Variants in LILRA4 observed in about 807,000 individuals in gnomAD.
LILRA4 encodes leukocyte immunoglobulin-like receptor subfamily A member 4.
LILRA4 carries 51 observed loss-of-function variants against 49.5 expected under a neutral mutation model. That is an observed-to-expected ratio of 1.03 (90% CI 0.82 to 1.30). LILRA4 has a LOEUF of 1.30. Ranked by LOEUF, LILRA4 falls within the 50% of genes most tolerant of loss-of-function variation. LILRA4 has a pLI of 0.00. For missense variants in LILRA4, 624 were observed against 625.6 expected (o/e 1.00, Z 0.03); for synonymous variants, 272 against 265.6 (o/e 1.02, Z -0.23).
rs2081357895 is a variant in LILRA4, at chr19:54,338,547, C to T, written c.204G>A (p.Ser68=). 1.1e-5 allele frequency: 18 copies of T among 1,614,018 alleles called. No individual in the cohort carries two copies. The highest frequency in any genetic ancestry group is 1.2e-5 in the Non-Finnish European group (14 of 1,180,016). Reference sequence around the variant, plus strand: ...ACTCCAGTGTTTTTAATATGTGCCTCGACATTGAGTTTCCCTCTTTATCCA... The same window carrying T: ...ACTCCAGTGTTTTTAATATGTGCCTTGACATTGAGTTTCCCTCTTTATCCA... ...YRLDKEGNSM[S]RHILKTLESE... is the part of the protein sequence containing the mutation. Residue 68 remains serine (S), a synonymous_variant, in exon 3 of 8, where the codon TCG becomes TCA. Coordinates refer to ENST00000291759, the MANE Select transcript of LILRA4 (RefSeq NM_012276.5).
chr19:54,333,617 C>T lies in LILRA4; in HGVS notation c.1455G>A (p.Lys485=), dbSNP rs1430853009. ...CCACCACTCTGAAGGGTGCATTGTC[C>T]TTTCTGCTGTTTGCCTCCTGGCTGC... ...PRCSQEANSR[K]DNAPFRVVEP... is the part of the protein sequence containing the mutation. The change falls in exon 8 of 8, where the codon AAG becomes AAA. Residue 485 remains lysine (K), a synonymous_variant. Coordinates refer to ENST00000291759, the MANE Select transcript of LILRA4 (RefSeq NM_012276.5). 3.1e-6 allele frequency: 5 copies of T among 1,614,014 alleles called. No individual in the cohort carries two copies. The highest frequency in any genetic ancestry group is 4.2e-6 in the Non-Finnish European group (5 of 1,180,024).
chr19:54,339,107 C>T lies in LILRA4; in HGVS notation c.-14G>A. On this transcript the variant is annotated 5_prime_UTR_variant, in exon 1 of 8. Coordinates refer to ENST00000291759, the MANE Select transcript of LILRA4 (RefSeq NM_012276.5). ...AATGAGGGTCATGGCATCTCCTCCT[C>T]CTGGCCCTGGCTGTGCAGGCAGGTG... The T allele has an allele frequency of 1.9e-6, 3 of 1,614,210 alleles. No homozygotes were observed. In the Admixed American group the frequency reaches 5.0e-5, roughly 27 times the overall value.
At position 54,337,653 on chromosome 19, in the gene LILRA4, G is replaced by C; in HGVS notation, c.699C>G (p.Val233=). Residue 233 remains valine (V), a synonymous_variant, in exon 5 of 8, where the codon GTC becomes GTG. Transcript: ENST00000291759. Reference sequence around the variant, plus strand: ...GGGTCAGATTCTCTCCGGGGGTCACGACAGGGCCCTGCAGGGTCAGGAGGG... The same window carrying C: ...GGGTCAGATTCTCTCCGGGGGTCACCACAGGGCCCTGCAGGGTCAGGAGGG... The part of the protein sequence containing the change: ...KPSLLTLQGP[V]VTPGENLTLQ... 6.2e-7 allele frequency: 1 copy of C among 1,613,444 alleles called. No homozygotes were observed. The highest frequency in any genetic ancestry group is 8.5e-7 in the Non-Finnish European group (1 of 1,179,820).
Position 54,337,120 on chromosome 19 carries a change from G to A in LILRA4, c.976C>T (p.Leu326Phe), listed in dbSNP as rs2081333053. Residue 326 changes from leucine (L) to phenylalanine (F), a missense_variant, in exon 6 of 8, where the codon CTC becomes TTC. Leu to Phe is a conservative substitution (Grantham distance 22). Transcript: ENST00000291759. ...ACCGTGGGGCCCGGCTGCACTGAGA[G>A]GGAGGGTCTGTCAGAGATCTGTCCT... ...IAGQISDRPS[L>F]SVQPGPTVTS... 1.2e-6 allele frequency: 2 copies of A among 1,613,640 alleles called. No individual in the cohort carries two copies. Among genetic ancestry groups the A allele is most frequent in the Non-Finnish European group, 1.7e-6 (2 of 1,179,756 alleles).
chr19:54,333,658 T>C lies in LILRA4; in HGVS notation c.1414A>G (p.Arg472Gly), dbSNP rs143975520. The change falls in exon 8 of 8, where the codon AGA becomes GGA. Residue 472 changes from arginine (R) to glycine (G), a missense_variant. Arg to Gly is a moderately radical substitution (Grantham distance 125). Coordinates refer to ENST00000291759, the MANE Select transcript of LILRA4 (RefSeq NM_012276.5). ...TCCTGGCTGCACCTTGGGGGGCTTC[T>C]CTGGCTGTGCTGAGCCTCAAATAAC... The part of the protein sequence containing the change: ...ILLFEAQHSQ[R>G]SPPRCSQEAN... The C allele has an allele frequency of 7.6e-5, 123 of 1,614,156 alleles. No individual in the cohort carries two copies. In the African/African-American group the frequency reaches 1.5e-3, roughly 20 times the overall value.
At position 54,336,609 on chromosome 19, in the gene LILRA4, G is replaced by A. The variant is rs376244593; in HGVS notation, c.1255+232C>T. Reference sequence around the variant, plus strand: ...TGTATTTCCACCCTTCCATGGGCTGGGCCCTCCCCTGTGGACCCTCCCCCT... The same window carrying A: ...TGTATTTCCACCCTTCCATGGGCTGAGCCCTCCCCTGTGGACCCTCCCCCT... On this transcript the variant is annotated intron_variant, in intron 6 of 7. Transcript: ENST00000291759. The A allele has an allele frequency of 1.3e-5, 9 of 683,634 alleles. 1 individual carries two copies. The South Asian group carries it at 1.6e-4, about 12-fold the overall frequency. 42.3% of individuals were successfully genotyped at this position (683,634 alleles called of 1,614,324 possible). A position where few individuals can be genotyped will look rare whatever the true frequency, so the allele number is the denominator to read the frequency against.
chr19:54,338,795 C>T (rs2081360468), intron 2 of LILRA4, 71 bp downstream of exon 2: 11 of 1,606,634 alleles, frequency 6.8e-6, no homozygotes, highest in Non-Finnish European at 9.4e-6. Context: ...GTCTTCACCC[C>T]CAGCTGCCCA....
chr19:54,338,604 A>T lies in LILRA4; in HGVS notation c.147T>A (p.Cys49Ter). 8 of 1,614,086 alleles carry T rather than the reference A, an allele frequency of 5.0e-6. No homozygotes were observed. The highest frequency in any genetic ancestry group is 6.8e-6 in the Non-Finnish European group (8 of 1,180,004). ...ACCCCTGGGCCTCCAGGGTGCCCTG[A>T]CACCAGATGGTCACGGGGTTATGCC... is the stretch of plus-strand genomic sequence containing the variant. ...ITWHNPVTIWCQGTLEAQGYR... is the reference protein window; with the variant it reads ...ITWHNPVTIW Residue 49 changes from cysteine to a stop codon, truncating the protein, a stop_gained, in exon 3 of 8, where the codon TGT becomes TGA. Coordinates refer to ENST00000291759, the MANE Select transcript of LILRA4 (RefSeq NM_012276.5). LOFTEE classifies it high-confidence loss of function.
At chr19:54,334,180 A>T in intron 6 of LILRA4, 1 of 550,516 alleles carries the variant, frequency 1.8e-6, no homozygotes, top group Non-Finnish European at 3.2e-6. Context: ...TCACTTTGAA[A>T]CAAAGTTTAC....
In LILRA4 at chr19:54,336,892, T is replaced by A. The variant is rs149289201; in HGVS notation, c.1204A>T (p.Asn402Tyr). 6 of 1,614,156 alleles carry A rather than the reference T, an allele frequency of 3.7e-6. No homozygotes were observed. The highest frequency in any genetic ancestry group is 2.2e-5 in the South Asian group (2 of 91,082). The change falls in exon 6 of 8, where the codon AAC becomes TAC. Residue 402 changes from asparagine to tyrosine, a missense_variant. Transcript: ENST00000291759. ...CTGGGGTGAGACAGCAGGTAGGGGT[T>A]GGAGCTGCGTGAGCCGTAGCACCTG... ...TYRCYGSRSS[N>Y]PYLLSHPSEP...
At chr19:54,337,164 T>A (rs942678075) in intron 5 of LILRA4, 21 bp from the exon 6 acceptor site, 2 of 1,597,822 alleles carry the variant, frequency 1.3e-6, no homozygotes, top group African/African-American at 1.3e-5. Context: ...GAAGGACGGG[T>A]GAGGGGCTGC....
chr19:54,337,161 G>T lies in LILRA4; in HGVS notation c.953-18C>A, dbSNP rs375640522. The stretch of plus-strand genomic sequence containing the variant: ...GATCTGTCCTGGAGAAAAGAAGGAC[G>T]GGTGAGGGGCTGCCCCACCTTGTTC... On this transcript the variant is annotated intron_variant, in intron 5 of 7. Transcript: ENST00000291759. 9 of 1,600,896 alleles carry T rather than the reference G, an allele frequency of 5.6e-6. No homozygotes were observed. Among genetic ancestry groups the T allele is most frequent in the Non-Finnish European group, 7.7e-6 (9 of 1,172,572 alleles).
chr19:54,337,005 G>A lies in LILRA4; in HGVS notation c.1091C>T (p.Pro364Leu), dbSNP rs756747611. 5.0e-6 allele frequency: 8 copies of A among 1,614,006 alleles called. No homozygotes were observed. Among genetic ancestry groups the A allele is most frequent in the East Asian group, 2.2e-5 (1 of 44,874 alleles). The change falls in exon 6 of 8, where the codon CCG (proline) becomes CTG (leucine). Residue 364 changes from proline to leucine, a missense_variant. Coordinates refer to ENST00000291759, the MANE Select transcript of LILRA4 (RefSeq NM_012276.5). ...TCCGTACATTGATCTCAGACGCAAC[G>A]GGGGATGGGCTGCCCCCTCCTTGGT... ...LLTKEGAAHP[P>L]LRLRSMYGAH...
At position 54,337,918 on chromosome 19, in the gene LILRA4, A is replaced by C. The variant is rs1398087813; in HGVS notation, c.655+18T>G. 1.9e-6 allele frequency: 3 copies of C among 1,594,356 alleles called. No individual in the cohort carries two copies. On this transcript the variant is annotated intron_variant, in intron 4 of 7. Transcript: ENST00000291759. ...TGGTGCCCTGACTTTGTATAAGGAA[A>C]AGCTACGGCTTCCTCACCTGACACC... is the stretch of plus-strand genomic sequence containing the variant.
chr19:54,333,379 G>T lies in LILRA4; in HGVS notation c.*193C>A, dbSNP rs181524361. The T allele has an allele frequency of 1.1e-5, 7 of 630,328 alleles. No individual in the cohort carries two copies. Among genetic ancestry groups the T allele is most frequent in the Non-Finnish European group, 1.9e-5 (7 of 365,840 alleles). 39.0% of individuals were successfully genotyped at this position (630,328 alleles called of 1,614,324 possible). On this transcript the variant is annotated 3_prime_UTR_variant, in exon 8 of 8. Transcript: ENST00000291759. ...ATAGGGGTGAAGCCTTACATCATAGGGAAGAAAAACGAAGGAAGGGGCAGT... is the reference window on the plus strand; with the variant it reads ...ATAGGGGTGAAGCCTTACATCATAGTGAAGAAAAACGAAGGAAGGGGCAGT...
Position 54,338,466 on chromosome 19 carries a change from T to C in LILRA4, c.285A>G (p.Arg95=). ...CAGGGCTCTGATAGTAACAGTGATATCGCCCTGCATGTTCCCACATCATGG... is the reference window on the plus strand; with the variant it reads ...CAGGGCTCTGATAGTAACAGTGATACCGCCCTGCATGTTCCCACATCATGG... ...IPSMMWEHAG[R]YHCYYQSPAG... The change falls in exon 3 of 8, where the codon CGA becomes CGG. Residue 95 remains arginine (R), a synonymous_variant. Coordinates refer to ENST00000291759, the MANE Select transcript of LILRA4 (RefSeq NM_012276.5). 6.2e-7 allele frequency: 1 copy of C among 1,614,140 alleles called. No individual in the cohort carries two copies. The highest frequency in any genetic ancestry group is 8.5e-7 in the Non-Finnish European group (1 of 1,180,010).
At chr19:54,334,568 T>C (rs1220868893) in intron 6 of LILRA4, 1 of 152,206 alleles carries the variant, frequency 6.6e-6, no homozygotes. Context: ...TAAATGATAA[T>C]GACTAAGTGG....
chr19:54,334,028 T>C (rs2081298826), intron 6 of LILRA4, 63 bp from the exon 7 acceptor site: 1 of 1,309,818 alleles, frequency 7.6e-7, no homozygotes. Context: ...GGGCAATGCA[T>C]TCTTATATTC....
intron 6 of LILRA4, 164 bp from the exon 7 acceptor site, chr19:54,334,129 CAACCTCT>C: frequency 1.5e-5 from 9 of 614,296 alleles, no homozygotes; most frequent in Non-Finnish European, 2.6e-5. Flanking sequence ...TTGGGTTTTT[CAACCTCT>C]CTGTGCTCTG....
Sources: gnomAD v4.1 joint callset for allele counts on GRCh38, gnomAD v4.1.1 for gene constraint, MANE v1.5 for transcripts, NCBI Gene and HGNC (gene_info 2026-07-23, HGNC 2026-07-21) for gene names.